The following FBXO11 variants were observed in gnomAD, a reference collection of about 807,000 sequenced individuals.
The protein encoded by FBXO11 is F-box only protein 11.
Under a neutral mutation model 117.0 loss-of-function variants are expected in FBXO11, and 13 were observed. The ratio of observed to expected loss-of-function variants is 0.11; its 90% CI spans 0.07 to 0.18. The LOEUF (loss-of-function observed/expected upper bound fraction) is 0.18, where lower values mean the gene tolerates loss of function less well. Ranked by LOEUF, FBXO11 falls within the 10% of genes least tolerant of loss-of-function variation. The pLI is 1.00. For missense variants in FBXO11, 767 were observed against 1,164.4 expected (o/e 0.66, Z 4.97); for synonymous variants, 490 against 380.5 (o/e 1.29, Z -3.35).
At chr2:47,888,849 CCACA>C (rs1189963027) in intron 1 of FBXO11, 1 of 156,394 alleles carries the variant, frequency 6.4e-6, no homozygotes, top group African/African-American at 2.4e-5. Context: ...TTTTTTCTGT[CCACA>C]CAGATTAAAA....
intron 1 of FBXO11, chr2:47,865,802 T>C (rs940764184): frequency 1.3e-5 from 2 of 152,174 alleles, no homozygotes; most frequent in Admixed American, 1.3e-4. Context: ...TATATGATTG[T>C]GGGCAGACAC....
chr2:47,878,059 G>C (rs898971563), intron 1 of FBXO11, among the ~76,000 whole-genome samples: 1 of 152,224 alleles, frequency 6.6e-6, no homozygotes, highest in African/African-American at 2.4e-5. Context: ...GGTAGGCCCA[G>C]CTTTTACCCA....
At position 47,809,713 on chromosome 2, in the gene FBXO11, G is replaced by A. The variant is rs780952250; in HGVS notation, c.2339-6C>T. 5 of 1,597,584 alleles carry A rather than the reference G, an allele frequency of 3.1e-6. No individual in the cohort carries two copies. The highest frequency in any genetic ancestry group is 4.3e-6 in the Non-Finnish European group (5 of 1,166,216). The stretch of plus-strand genomic sequence containing the variant: ...GTGATTTGTAATTTCAATACCTGAA[G>A]TAAAATTTACAAACAAGTAGATACA... On this transcript the variant is annotated splice_polypyrimidine_tract_variant and splice_region_variant and intron_variant, in intron 19 of 22. Transcript: ENST00000403359.
At chr2:47,830,362 T>C (rs898314302) in intron 11 of FBXO11, among the ~76,000 whole-genome samples, 2 of 151,746 alleles carry the variant, frequency 1.3e-5, no homozygotes, top group African/African-American at 4.8e-5. Flanking sequence ...AGCTACAATA[T>C]CCATAAGGCG....
At position 47,839,662 on chromosome 2, in the gene FBXO11, G is replaced by C. The variant is rs1672864886; in HGVS notation, c.340C>G (p.Pro114Ala). The change falls in exon 2 of 23, where the codon CCC becomes GCC. Residue 114 changes from proline (P) to alanine (A), a missense_variant. By Grantham distance (27) the Pro-to-Ala change is conservative. Transcript: ENST00000403359. ...KTLLPKRTAC[P>A]TKNSMEGAST... ...GTTACCTCCATACTGTTCTTTGTGG[G>C]ACACGCTGTTCTTTTCGGCAAAAGA... The C allele has an allele frequency of 1.6e-5, 26 of 1,613,950 alleles. No homozygotes were observed. Among genetic ancestry groups the C allele is most frequent in the Non-Finnish European group, 2.2e-5 (26 of 1,180,030 alleles).
At chr2:47,873,414 G>C (rs951536838) in intron 1 of FBXO11, among the ~76,000 whole-genome samples, 3 of 152,116 alleles carry the variant, frequency 2.0e-5, no homozygotes, top group African/African-American at 7.2e-5. Flanking sequence ...CAGTGCTCCT[G>C]GGTTTTATCC....
rs147617771 is a variant in FBXO11, at chr2:47,862,977, C to A, written c.233-23208G>T. Among the ~76,000 whole-genome samples the A allele has an allele frequency of 1.2e-3, 175 of 151,678 alleles. 1 individual carries two copies. Among genetic ancestry groups the A allele is most frequent in the African/African-American group, 4.0e-3 (166 of 41,324 alleles). On this transcript the variant is annotated intron_variant, in intron 1 of 22. Coordinates refer to ENST00000403359, the MANE Select transcript of FBXO11 (RefSeq NM_001190274.2). ...GGCTAAGGCAGGAGAATCGCTTGAACCCCGGAAGTGAAAGTTGCAGTGAGC... is the reference window on the plus strand; with the variant it reads ...GGCTAAGGCAGGAGAATCGCTTGAAACCCGGAAGTGAAAGTTGCAGTGAGC...
intron 1 of FBXO11, among the ~76,000 whole-genome samples, chr2:47,866,278 GA>G (rs1469259736): frequency 6.7e-6 from 1 of 149,530 alleles, no homozygotes; most frequent in Non-Finnish European, 1.5e-5. Flanking sequence ...GTGGGAAAGG[GA>G]AATAAAAATG....
At chr2:47,830,990 A>T (rs1266636001) in intron 11 of FBXO11, among the ~76,000 whole-genome samples, 1 of 151,982 alleles carries the variant, frequency 6.6e-6, no homozygotes, top group Non-Finnish European at 1.5e-5. Context: ...GTAGAGACAG[A>T]GTTTCACCAT....
chr2:47,861,432 C>T (rs977916005), intron 1 of FBXO11, among the ~76,000 whole-genome samples: 19 of 151,434 alleles, frequency 1.3e-4, no homozygotes, highest in Non-Finnish European at 1.3e-4. Context: ...GATCCTTCCA[C>T]CTCAGCCTCC....
At chr2:47,841,796 A>G (rs1235222889) in intron 1 of FBXO11, among the ~76,000 whole-genome samples, 1 of 151,634 alleles carries the variant, frequency 6.6e-6, no homozygotes, top group African/African-American at 2.4e-5. Flanking sequence ...ACACACCACC[A>G]TGCCTGGCTA....
chr2:47,840,704 T>C (rs572254997), intron 1 of FBXO11, among the ~76,000 whole-genome samples: 166 of 151,868 alleles, frequency 1.1e-3, no homozygotes, highest in African/African-American at 3.8e-3. Flanking sequence ...TCCTCCCACC[T>C]TGGCCTCCAA....
At chr2:47,892,069 C>T (rs1164469271) in intron 1 of FBXO11, among the ~76,000 whole-genome samples, 1 of 152,104 alleles carries the variant, frequency 6.6e-6, no homozygotes, top group Non-Finnish European at 1.5e-5. Flanking sequence ...TCATAGGATG[C>T]CCTTTCACTT....
chr2:47,836,089 C>A, intron 4 of FBXO11, 88 bp from the exon 5 acceptor site: 1 of 919,912 alleles, frequency 1.1e-6, no homozygotes, highest in Non-Finnish European at 1.6e-6. Flanking sequence ...TATTTGAGGC[C>A]TCAAAAACTT....
rs1309288278 is a variant in FBXO11 at position 47,813,024 on chromosome 2, G to A, written c.2227+210C>T. The stretch of plus-strand genomic sequence containing the variant: ...TCTTTAAAAAGGCTTACTGACAACT[G>A]CAGACTCAAAGTGGCTACAAAAGGA... On this transcript the variant is annotated intron_variant, in intron 18 of 22. Coordinates refer to ENST00000403359, the MANE Select transcript of FBXO11 (RefSeq NM_001190274.2). 3.2e-5 allele frequency: 18 copies of A among 569,188 alleles called. 2 individuals are homozygous for A. In the South Asian group the frequency reaches 3.6e-4, roughly 11 times the overall value. The allele number at this position is 569,188 out of a possible 1,614,324, so 35.3% of individuals were successfully genotyped here.
chr2:47,812,082 G>T (rs1458143362), intron 18 of FBXO11, among the ~76,000 whole-genome samples: 1 of 152,186 alleles, frequency 6.6e-6, no homozygotes, highest in East Asian at 1.9e-4. Flanking sequence ...TGCTAAGATG[G>T]ATTCCAAACT....
chr2:47,905,576 G>T lies in FBXO11; in HGVS notation c.145C>A (p.Pro49Thr). 1 of 1,258,434 alleles carries T rather than the reference G, an allele frequency of 7.9e-7. No homozygotes were observed. 78.0% of individuals were successfully genotyped at this position (1,258,434 alleles called of 1,614,324 possible). The change falls in exon 1 of 23, where the codon CCG becomes ACG. Residue 49 changes from proline to threonine, a missense_variant. Pro to Thr is a conservative substitution (Grantham distance 38, BLOSUM62 -1). Around this residue, in one of 10 missense-constraint regions of FBXO11, gnomAD observed 355 missense variants for 299.8 expected, o/e 1.18. Coordinates refer to ENST00000403359, the MANE Select transcript of FBXO11 (RefSeq NM_001190274.2). ...QPPQQQPPPP[P>T]QQQQQQQPPP... The stretch of plus-strand genomic sequence containing the variant: ...GGCTGCTGCTGCTGCTGCTGCTGCG[G>T]CGGCGGCGGAGGCTGCTGCTGGGGC...
intron 1 of FBXO11, among the ~76,000 whole-genome samples, chr2:47,854,436 G>C (rs1001716831): frequency 2.0e-5 from 3 of 151,606 alleles, no homozygotes; most frequent in African/African-American, 7.3e-5. Context: ...CTTGTAAAAA[G>C]TCAAGTCAAA....
At chr2:47,851,909 T>A (rs1673891980) in intron 1 of FBXO11, among the ~76,000 whole-genome samples, 1 of 152,238 alleles carries the variant, frequency 6.6e-6, no homozygotes, top group Non-Finnish European at 1.5e-5. Context: ...CAACTTTTTT[T>A]AATACAGAAT....
Sources: gnomAD v4.1 joint callset for allele counts (sites outside exome capture counted in the v4.1 genomes callset) on GRCh38, gnomAD v4.1.1 for gene constraint, gnomAD v4.1.1 regional missense constraint, MANE v1.5 for transcripts, NCBI Gene and HGNC (gene_info 2026-07-23, HGNC 2026-07-21) for gene names.